The following CACNA1C variants were observed in gnomAD, a reference collection of about 807,000 sequenced individuals.
The protein encoded by CACNA1C is voltage-dependent L-type calcium channel subunit alpha-1C.
A neutral mutation model predicts 229.0 loss-of-function variants in CACNA1C; 30 were observed. The observed-to-expected ratio is 0.13, with a 90% CI of 0.10 to 0.18. The LOEUF (loss-of-function observed/expected upper bound fraction) is 0.18. Among genes scored for constraint, CACNA1C ranks in the 10% least tolerant of loss-of-function variants. The pLI is 1.00. For missense variants in CACNA1C, 1,658 were observed against 2,845.0 expected (o/e 0.58, Z 9.49); for synonymous variants, 1,114 against 1,132.5 (o/e 0.98, Z 0.33).
chr12:2,112,499 G>A (rs551393651), intron 1 of CACNA1C, among the ~76,000 whole-genome samples: 15 of 152,186 alleles, frequency 9.9e-5, no homozygotes, highest in Non-Finnish European at 1.9e-4. Flanking sequence ...AAGGTGAAGG[G>A]AATATATATG....
rs1429794029 is a variant in CACNA1C, at chr12:2,652,810, G to C, written c.4075-1025G>C. Among the ~76,000 whole-genome samples, 3 of 152,358 alleles carry C rather than the reference G, an allele frequency of 2.0e-5. No individual in the cohort carries two copies. In the East Asian group the frequency reaches 5.8e-4, roughly 29 times the overall value. The stretch of plus-strand genomic sequence containing the variant: ...CAGGCTCTGGGGATTCGGAATAGTA[G>C]ACACCAGCGGAAGCAGGACTGCCGC... On this transcript the variant is annotated intron_variant, in intron 32 of 46. Transcript: ENST00000399655.
rs552671432 is a variant in CACNA1C at position 2,191,009 on chromosome 12, G to C, written c.477+70579G>C. ...TGGCTGGGACTCAGCCTGTGGCCCTGCCTTGTCCAGGGATACTGGGAAGTG... is the reference window on the plus strand; with the variant it reads ...TGGCTGGGACTCAGCCTGTGGCCCTCCCTTGTCCAGGGATACTGGGAAGTG... On this transcript the variant is annotated intron_variant, in intron 3 of 46. Transcript: ENST00000399655. Among the ~76,000 whole-genome samples the C allele has an allele frequency of 4.6e-5, 7 of 152,302 alleles. 1 individual carries two copies. In the East Asian group the frequency reaches 1.4e-3, roughly 29 times the overall value.
rs966062366 is a variant in CACNA1C at position 2,666,659 on chromosome 12, C to T, written c.4527-27C>T. 6.7e-7 allele frequency: 1 copy of T among 1,482,866 alleles called. No individual in the cohort carries two copies. The highest frequency in any genetic ancestry group is 9.3e-7 in the Non-Finnish European group (1 of 1,078,912). The allele number at this position is 1,482,866 out of a possible 1,614,324, so 91.9% of individuals were successfully genotyped here. ...GCAGAGACCGTGGCTCTCTGATGCC[C>T]TGTCCCTCCTCTCCCTCCTCTTCTA... On this transcript the variant is annotated intron_variant, in intron 36 of 46. Coordinates refer to ENST00000399655, the MANE Select transcript of CACNA1C (RefSeq NM_000719.7). The surrounding 1 kb of genome is among the most constrained non-coding windows in gnomAD (Gnocchi z 5.3).
At chr12:2,165,440 G>A (rs56197809) in intron 3 of CACNA1C, among the ~76,000 whole-genome samples, 2,949 of 152,290 alleles carry the variant, frequency 0.019, 39 homozygotes, top group Middle Eastern at 0.051. Flanking sequence ...TATTAAATTT[G>A]GAGGGTGGCT....
rs147496162 is a variant in CACNA1C at position 2,185,651 on chromosome 12, G to A, written c.477+65221G>A. On this transcript the variant is annotated intron_variant, in intron 3 of 46. Coordinates refer to ENST00000399655, the MANE Select transcript of CACNA1C (RefSeq NM_000719.7). The stretch of plus-strand genomic sequence containing the variant: ...AAGAGGGGCAACTGCAAGCCATGGC[G>A]GGAGGCCTCATGAGACATCCACCCT... Among the ~76,000 whole-genome samples the A allele has an allele frequency of 1.4e-3, 206 of 152,308 alleles. 2 individuals are homozygous for A. The highest frequency in any genetic ancestry group is 4.8e-3 in the African/African-American group (198 of 41,570).
intron 3 of CACNA1C, among the ~76,000 whole-genome samples, chr12:2,386,893 C>T (rs1272961193): frequency 6.6e-6 from 1 of 152,192 alleles, no homozygotes; most frequent in Non-Finnish European, 1.5e-5. Flanking sequence ...CACCCCAGTC[C>T]TCCACCTGAC....
intron 3 of CACNA1C, among the ~76,000 whole-genome samples, chr12:2,324,208 C>T (rs539172660): frequency 2.6e-5 from 4 of 152,098 alleles, no homozygotes; most frequent in Non-Finnish European, 4.4e-5. Context: ...CTCAAAAGCC[C>T]GGGGGATGGG....
In CACNA1C at chr12:2,584,586, G is replaced by A. The variant is rs778456629; in HGVS notation, c.2308G>A (p.Glu770Lys). 8 of 1,613,462 alleles carry A rather than the reference G, an allele frequency of 5.0e-6. No individual in the cohort carries two copies. The South Asian group carries it at 7.7e-5, about 16-fold the overall frequency. ...ESLTSAQKEE[E>K]EEKERKKLAR... ...CCTCACATCTGCCCAAAAGGAGGAG[G>A]AAGAGGAGAAGGAGAGAAAGAAGCT... Residue 770 changes from glutamate (E) to lysine (K), a missense_variant, in exon 16 of 47, where the codon GAA (glutamate) becomes AAA (lysine). Physicochemically the swap from Glu to Lys is moderately conservative, Grantham distance 56 (BLOSUM62 1). Coordinates refer to ENST00000399655, the MANE Select transcript of CACNA1C (RefSeq NM_000719.7).
Position 2,479,776 on chromosome 12 carries a change from G to A in CACNA1C, c.758-6328G>A, listed in dbSNP as rs924312417. On this transcript the variant is annotated intron_variant, in intron 5 of 46. Coordinates refer to ENST00000399655, the MANE Select transcript of CACNA1C (RefSeq NM_000719.7). This position sits in a 1 kb window ranked among gnomAD's most constrained non-coding sequence, Gnocchi z 4.3. ...ACTCCTGGGAAGCCCTGACTACATC[G>A]GGATTGGGGATATCACATGTAGAAG... Among the ~76,000 whole-genome samples, 10 of 152,304 alleles carry A rather than the reference G, an allele frequency of 6.6e-5. No homozygotes were observed. Among genetic ancestry groups the A allele is most frequent in the South Asian group, 2.1e-4 (1 of 4,820 alleles).
At chr12:2,456,690 T>A (rs2099427982) in intron 4 of CACNA1C, among the ~76,000 whole-genome samples, 1 of 152,188 alleles carries the variant, frequency 6.6e-6, no homozygotes, top group Non-Finnish European at 1.5e-5. Flanking sequence ...AGGGAGTTCT[T>A]TGTGCAGATT....
intron 9 of CACNA1C, among the ~76,000 whole-genome samples, chr12:2,530,759 T>C (rs2099839102): frequency 1.3e-5 from 2 of 152,312 alleles, no homozygotes; most frequent in South Asian, 2.1e-4. Context: ...GACCATGCCA[T>C]GGGTAAGTGA....
chr12:1,977,524 T>G (rs552556548), intron 1 of CACNA1C, among the ~76,000 whole-genome samples: 2 of 152,244 alleles, frequency 1.3e-5, no homozygotes, highest in African/African-American at 2.4e-5. Context: ...ATAAGTGATT[T>G]GCGAATTTTG....
At chr12:2,481,221 C>T (rs1241128364) in intron 5 of CACNA1C, among the ~76,000 whole-genome samples, 2 of 152,138 alleles carry the variant, frequency 1.3e-5, no homozygotes, top group Non-Finnish European at 2.9e-5. Flanking sequence ...GATCTGTTGT[C>T]AGCCCTCGTC....
At chr12:2,302,351 C>T (rs981575597) in intron 3 of CACNA1C, among the ~76,000 whole-genome samples, 1 of 151,822 alleles carries the variant, frequency 6.6e-6, no homozygotes, top group Non-Finnish European at 1.5e-5. Context: ...CCCCCGCCGC[C>T]TCTGCTTGCT....
intron 27 of CACNA1C, among the ~76,000 whole-genome samples, chr12:2,609,963 AAAATAC>A (rs1265469075): frequency 2.0e-5 from 3 of 152,138 alleles, no homozygotes; most frequent in Admixed American, 1.3e-4. Flanking sequence ...GTCTCTACTA[AAAATAC>A]AAAAAATTAG....
At chr12:2,235,009 CT>C (rs2066779488) in intron 3 of CACNA1C, among the ~76,000 whole-genome samples, 1 of 152,106 alleles carries the variant, frequency 6.6e-6, no homozygotes, top group South Asian at 2.1e-4. Flanking sequence ...AACACATAGC[CT>C]TTGTGGGATG....
intron 3 of CACNA1C, among the ~76,000 whole-genome samples, chr12:2,155,130 TCA>T (rs145055831): frequency 6.6e-6 from 1 of 151,950 alleles, no homozygotes; most frequent in Non-Finnish European, 1.5e-5. Context: ...CACAGAGGCG[TCA>T]CACACACACA....
At chr12:2,061,229 G>A (rs910399140) in intron 1 of CACNA1C, among the ~76,000 whole-genome samples, 9 of 151,662 alleles carry the variant, frequency 5.9e-5, no homozygotes, top group East Asian at 1.9e-4. Context: ...AGTGTATATC[G>A]CTGTTCAAAC....
intron 3 of CACNA1C, among the ~76,000 whole-genome samples, chr12:2,382,870 C>T (rs941475717): frequency 8.5e-5 from 13 of 152,080 alleles, no homozygotes; most frequent in African/African-American, 2.2e-4. Flanking sequence ...TTGACACAAC[C>T]GCCTTTCAGC....
Sources: gnomAD v4.1 joint callset for allele counts (sites outside exome capture counted in the v4.1 genomes callset) on GRCh38, gnomAD v4.1.1 for gene constraint, Gnocchi (gnomAD v3.1) non-coding constraint, MANE v1.5 for transcripts, NCBI Gene and HGNC (gene_info 2026-07-23, HGNC 2026-07-21) for gene names.